NEO1: variants seen among roughly 807,000 people sequenced by gnomAD.
NEO1 encodes the protein neogenin 1, also known as neogenin.
In NEO1, 63 loss-of-function variants were observed where a neutral mutation model predicts 159.7. That is an observed-to-expected ratio of 0.39 (90% CI 0.32 to 0.49). The LOEUF is 0.49. NEO1 is among the 20% of genes least tolerant of loss of function. The pLI is 0.85. For synonymous variants in NEO1, 633 were observed against 662.0 expected, an observed-to-expected ratio of 0.96 and a Z score of 0.67; for missense variants, 1,615 against 1,831.0, an observed-to-expected ratio of 0.88 and a Z score of 2.15.
rs112329438 is a variant in NEO1 at position 73,183,331 on chromosome 15, G to A, written c.1291+4904G>A. 1.7e-3 allele frequency among the ~76,000 whole-genome samples: 255 copies of A among 152,224 alleles called. 1 individual carries two copies. Among genetic ancestry groups the A allele is most frequent in the African/African-American group, 5.1e-3 (210 of 41,556 alleles). ...GGCAGAAAACCTTCTGATTTCATAC[G>A]TTTCTGAAGGGAGATTAGAAGTCAA... is the stretch of plus-strand genomic sequence containing the variant. On this transcript the variant is annotated intron_variant, in intron 7 of 28. Transcript: ENST00000261908.
chr15:73,052,671 A>G lies in NEO1; in HGVS notation c.-5A>G. 2 of 1,336,542 alleles carry G rather than the reference A, an allele frequency of 1.5e-6. No homozygotes were observed. The highest frequency in any genetic ancestry group is 9.7e-7 in the Non-Finnish European group (1 of 1,036,082). 82.8% of individuals were successfully genotyped at this position (1,336,542 alleles called of 1,614,324 possible). A position where few individuals can be genotyped will look rare whatever the true frequency, so the allele number is the denominator to read the frequency against. ...CCGCCGCTGCCGCTCACTCTCGGGG[A>G]AGAGATGGCGGCGGAGCGGGGAGCC... On this transcript the variant is annotated 5_prime_UTR_variant, in exon 1 of 29. Coordinates refer to ENST00000261908, the MANE Select transcript of NEO1 (RefSeq NM_002499.4).
chr15:73,299,573 G>GA (rs113331699), intron 27 of NEO1, among the ~76,000 whole-genome samples: 1 of 152,086 alleles, frequency 6.6e-6, no homozygotes, highest in African/African-American at 2.4e-5. Flanking sequence ...ATTTAGTAGA[G>GA]ACGGGGTTTC....
At chr15:73,160,532 C>A (rs1244418937) in intron 5 of NEO1, among the ~76,000 whole-genome samples, 1 of 152,048 alleles carries the variant, frequency 6.6e-6, no homozygotes, top group Non-Finnish European at 1.5e-5. Flanking sequence ...GGTGGTAGTC[C>A]CAAGTCTGGG....
intron 7 of NEO1, among the ~76,000 whole-genome samples, chr15:73,191,724 G>A (rs1356138729): frequency 6.6e-6 from 1 of 152,018 alleles, no homozygotes; most frequent in Non-Finnish European, 1.5e-5. Flanking sequence ...TGACCAGATT[G>A]TAAGGCATCT....
Position 73,056,724 on chromosome 15 carries a change from G to C in NEO1, c.130+3919G>C, listed in dbSNP as rs545496237. ...AAGTTAACCATCCTTAATTCCTTCA[G>C]CCACTCTTCACATTACTTAGTTTCC... On this transcript the variant is annotated intron_variant, in intron 1 of 28. Coordinates refer to ENST00000261908, the MANE Select transcript of NEO1 (RefSeq NM_002499.4). 9.3e-4 allele frequency among the ~76,000 whole-genome samples: 142 copies of C among 152,014 alleles called. 1 individual carries two copies. The highest frequency in any genetic ancestry group is 1.3e-4 in the Non-Finnish European group (9 of 67,982).
chr15:73,053,609 C>A (rs929043373), intron 1 of NEO1, among the ~76,000 whole-genome samples: 1 of 152,110 alleles, frequency 6.6e-6, no homozygotes, highest in Admixed American at 6.5e-5. Flanking sequence ...ATTTTCAGTT[C>A]TTTTTTGGAA....
intron 26 of NEO1, among the ~76,000 whole-genome samples, chr15:73,296,671 C>G (rs770152599): frequency 1.2e-4 from 19 of 152,300 alleles, no homozygotes; most frequent in Non-Finnish European, 2.6e-4. Flanking sequence ...GACCCTCCCC[C>G]TCCCCCCGCA....
At chr15:73,247,983 G>C (rs1000238503) in intron 9 of NEO1, among the ~76,000 whole-genome samples, 1 of 152,098 alleles carries the variant, frequency 6.6e-6, no homozygotes, top group South Asian at 2.1e-4. Flanking sequence ...TTGAGCCCAC[G>C]TTTTAGAATC....
intron 5 of NEO1, among the ~76,000 whole-genome samples, chr15:73,157,265 TG>T (rs1382854227): frequency 6.6e-6 from 1 of 152,222 alleles, no homozygotes; most frequent in Non-Finnish European, 1.5e-5. Context: ...TCCAGACTCT[TG>T]CTTGAGTCCC....
chr15:73,277,260 GC>G (rs564572337), intron 21 of NEO1, among the ~76,000 whole-genome samples: 44 of 152,278 alleles, frequency 2.9e-4, no homozygotes, highest in Non-Finnish European at 5.3e-4. Context: ...GTATGATATT[GC>G]TTTCTGGGTA....
intron 5 of NEO1, among the ~76,000 whole-genome samples, chr15:73,155,331 G>A (rs1033581873): frequency 3.3e-5 from 5 of 152,072 alleles, no homozygotes; most frequent in African/African-American, 9.7e-5. Flanking sequence ...CTGTTAGTCT[G>A]ATGGGGTTTT....
At chr15:73,265,287 A>G (rs1415069975) in intron 15 of NEO1, among the ~76,000 whole-genome samples, 1 of 152,152 alleles carries the variant, frequency 6.6e-6, no homozygotes. Context: ...GGTTGGTGGT[A>G]GTGTCGTTTA....
chr15:73,254,115 G>C (rs74406197), intron 12 of NEO1, among the ~76,000 whole-genome samples: 3 of 152,058 alleles, frequency 2.0e-5, no homozygotes, highest in African/African-American at 7.2e-5. Context: ...ACTTAAGCCC[G>C]GGAGTTGAAG....
chr15:73,099,305 G>A (rs953797808), intron 1 of NEO1, among the ~76,000 whole-genome samples: 1 of 152,174 alleles, frequency 6.6e-6, no homozygotes, highest in African/African-American at 2.4e-5. Flanking sequence ...GTCTATGACA[G>A]GACGACAGCT....
At chr15:73,195,869 A>C (rs1374345873) in intron 7 of NEO1, among the ~76,000 whole-genome samples, 1 of 152,210 alleles carries the variant, frequency 6.6e-6, no homozygotes, top group Admixed American at 6.5e-5. Context: ...CTACTTTTCA[A>C]AATAATCTCA....
intron 1 of NEO1, among the ~76,000 whole-genome samples, chr15:73,076,144 G>C (rs576090975): frequency 6.6e-6 from 1 of 152,092 alleles, no homozygotes; most frequent in South Asian, 2.1e-4. Flanking sequence ...TTAAGGTGCG[G>C]CTCAGATCTC....
chr15:73,295,334 G>A (rs2042322397), intron 26 of NEO1, among the ~76,000 whole-genome samples: 4 of 151,842 alleles, frequency 2.6e-5, no homozygotes. Context: ...TAGAAAGGAG[G>A]TTTTGTGCCC....
At chr15:73,091,903 G>C (rs1325766664) in intron 1 of NEO1, among the ~76,000 whole-genome samples, 1 of 151,952 alleles carries the variant, frequency 6.6e-6, no homozygotes, top group African/African-American at 2.4e-5. Context: ...CTGGGGTTAA[G>C]GCATAAGCCA....
chr15:73,285,970 C>T (rs1002753141), intron 23 of NEO1, among the ~76,000 whole-genome samples: 6 of 152,180 alleles, frequency 3.9e-5, no homozygotes, highest in Non-Finnish European at 1.5e-5. Context: ...ATTCCTCTCT[C>T]CAGCATAGCT....
Sources: gnomAD v4.1 joint callset for allele counts (sites outside exome capture counted in the v4.1 genomes callset) on GRCh38, gnomAD v4.1.1 for gene constraint, MANE v1.5 for transcripts, NCBI Gene and HGNC (gene_info 2026-07-23, HGNC 2026-07-21) for gene names.